The following LCORL variants were observed in gnomAD, a reference collection of about 807,000 sequenced individuals.
The protein encoded by LCORL is ligand-dependent nuclear receptor corepressor-like protein.
LCORL carries 41 observed loss-of-function variants against 141.8 expected under a neutral mutation model. That is an observed-to-expected ratio of 0.29 (90% CI 0.23 to 0.38). The LOEUF (loss-of-function observed/expected upper bound fraction) is 0.38. Among genes scored for constraint, LCORL ranks in the 10% least tolerant of loss-of-function variants. The pLI is 1.00. For synonymous variants in LCORL, 618 were observed against 694.1 expected (o/e 0.89, Z 1.72); for missense variants, 1,759 against 2,035.0 (o/e 0.86, Z 2.61).
chr4:17,892,213 T>C (rs1343115707), intron 5 of LCORL, among the ~76,000 whole-genome samples: 4 of 148,310 alleles, frequency 2.7e-5, no homozygotes, highest in East Asian at 1.9e-4. Context: ...TTTTTTCTTT[T>C]TTTTTTTTTT....
Position 17,912,035 on chromosome 4 carries a change from G to A in LCORL, c.431-2690C>T, listed in dbSNP as rs1239231412. ...AACTAGAAGTTAGAGACCAAAATCTGGGGGCACCTGGAGAAGAAGGGACCC... is the reference window on the plus strand; with the variant it reads ...AACTAGAAGTTAGAGACCAAAATCTAGGGGCACCTGGAGAAGAAGGGACCC... On this transcript the variant is annotated intron_variant, in intron 4 of 7. Transcript: ENST00000635767. 37 of 662,832 alleles carry A rather than the reference G, an allele frequency of 5.6e-5. 1 individual carries two copies. Among genetic ancestry groups the A allele is most frequent in the Middle Eastern group, 6.1e-4 (2 of 3,256 alleles). The allele number at this position is 662,832 out of a possible 1,614,324, so 41.1% of individuals were successfully genotyped here.
intron 1 of LCORL, among the ~76,000 whole-genome samples, chr4:17,994,852 A>C (rs1720654037): frequency 6.6e-6 from 1 of 152,028 alleles, no homozygotes; most frequent in Admixed American, 6.6e-5. Flanking sequence ...TATAAGCTCC[A>C]AAGAAGCAAG....
At chr4:18,017,599 G>A (rs1483567622) in intron 1 of LCORL, among the ~76,000 whole-genome samples, 2 of 152,076 alleles carry the variant, frequency 1.3e-5, no homozygotes, top group East Asian at 3.8e-4. Context: ...TTCAAATTGA[G>A]GGACATTCTA....
chr4:17,962,255 CAAAA>C (rs369162765), intron 3 of LCORL, among the ~76,000 whole-genome samples: 1 of 114,886 alleles, frequency 8.7e-6, no homozygotes. Context: ...AAACTACAGT[CAAAA>C]AAAAAAAAAA....
chr4:18,015,829 G>C (rs897531620), intron 1 of LCORL, among the ~76,000 whole-genome samples: 1 of 149,898 alleles, frequency 6.7e-6, no homozygotes, highest in Non-Finnish European at 1.5e-5. Flanking sequence ...AGTAGATACC[G>C]ACAAAAAGCA....
intron 2 of LCORL, among the ~76,000 whole-genome samples, chr4:17,966,949 T>G (rs934773554): frequency 6.6e-6 from 1 of 152,130 alleles, no homozygotes; most frequent in Non-Finnish European, 1.5e-5. Context: ...TTGAAAAAAT[T>G]TGTCCACAAA....
At chr4:17,848,456 CCTT>C (rs1322381997) in intron 7 of LCORL, among the ~76,000 whole-genome samples, 1 of 152,238 alleles carries the variant, frequency 6.6e-6, no homozygotes, top group Non-Finnish European at 1.5e-5. Context: ...CTCAAGCAAT[CCTT>C]CTGCCTCAGC....
exon 7 of LCORL, chr4:17,876,865 C>T: frequency 8.1e-7 from 1 of 1,230,714 alleles, no homozygotes; most frequent in Non-Finnish European, 1.0e-6. Context: ...AAGTTAGTTT[C>T]TGAACTATGA....
At chr4:17,997,948 AAC>A (rs1014099723) in intron 1 of LCORL, among the ~76,000 whole-genome samples, 26 of 152,162 alleles carry the variant, frequency 1.7e-4, no homozygotes, top group African/African-American at 6.3e-4. Flanking sequence ...TAAAAATGGA[AAC>A]ACATTCTGAT....
intron 1 of LCORL, among the ~76,000 whole-genome samples, chr4:18,008,163 C>T (rs1302898307): frequency 1.3e-5 from 2 of 152,102 alleles, no homozygotes; most frequent in Non-Finnish European, 2.9e-5. Context: ...ACTTTATATC[C>T]AGACTAAAAC....
chr4:17,975,500 AATTCTC>A lies in LCORL; in HGVS notation c.155-2621_155-2616del, dbSNP rs146350143. Among the ~76,000 whole-genome samples the A allele has an allele frequency of 7.5e-3, 1,141 of 151,774 alleles. 11 individuals are homozygous for A. Among genetic ancestry groups the A allele is most frequent in the African/African-American group, 0.026 (1,082 of 41,394 alleles). ...AACCTCCACCTCCTGGGTACATGCG[AATTCTC>A]CTGCCTCAGCCTCCTGAGGAGCTAG... On this transcript the variant is annotated intron_variant, in intron 1 of 7. Transcript: ENST00000635767.
At chr4:17,867,044 G>C (rs925431628) in intron 7 of LCORL, 9 of 948,304 alleles carry the variant, frequency 9.5e-6, no homozygotes, top group Non-Finnish European at 1.1e-5. Flanking sequence ...AGAGAATAAA[G>C]ATTTACAAAA....
chr4:17,994,902 G>T (rs886436544), intron 1 of LCORL, among the ~76,000 whole-genome samples: 1 of 152,004 alleles, frequency 6.6e-6, no homozygotes, highest in Admixed American at 6.6e-5. Context: ...CCAATGCCTG[G>T]TCCATGCTAG....
At chr4:17,876,881 T>C in exon 7 of LCORL, 1 of 1,230,724 alleles carries the variant, frequency 8.1e-7, no homozygotes, top group Non-Finnish European at 1.0e-6. Flanking sequence ...TATGAAGAGG[T>C]AGTTGCAGTG....
At chr4:18,001,941 ATATATC>A (rs974881021) in intron 1 of LCORL, among the ~76,000 whole-genome samples, 3 of 152,320 alleles carry the variant, frequency 2.0e-5, no homozygotes, top group East Asian at 1.9e-4. Flanking sequence ...ACACACATCT[ATATATC>A]TATGTTTATC....
rs1435469661 is a variant in LCORL, at chr4:17,917,296, G to A, written c.431-7951C>T. The stretch of plus-strand genomic sequence containing the variant: ...CTCACTCTGCCTCCTGGGTTCAAGT[G>A]ATTCTCCTGCCTCAGCCTCCCCAAT... On this transcript the variant is annotated intron_variant, in intron 4 of 7. Transcript: ENST00000635767. 3.3e-5 allele frequency among the ~76,000 whole-genome samples: 5 copies of A among 152,130 alleles called. No individual in the cohort carries two copies. In the South Asian group the frequency reaches 1.0e-3, roughly 31 times the overall value.
chr4:17,961,907 C>G, exon 4 of LCORL: 2 of 1,607,144 alleles, frequency 1.2e-6, no homozygotes, highest in Non-Finnish European at 1.7e-6. Context: ...TATTACCTTT[C>G]TTTCGAAAGA....
At chr4:17,875,105 C>T (rs1726776627) in exon 7 of LCORL, 4 of 1,233,428 alleles carry the variant, frequency 3.2e-6, no homozygotes, top group South Asian at 4.1e-5. Flanking sequence ...GTTGGTCATA[C>T]TTTTCTTCAG....
At chr4:17,918,626 C>G (rs1184730830) in intron 4 of LCORL, among the ~76,000 whole-genome samples, 1 of 152,054 alleles carries the variant, frequency 6.6e-6, no homozygotes, top group Admixed American at 6.5e-5. Context: ...AACCAATCAA[C>G]TTGAACATAG....
Sources: gnomAD v4.1 joint callset for allele counts (sites outside exome capture counted in the v4.1 genomes callset) on GRCh38, gnomAD v4.1.1 for gene constraint, MANE v1.5 for transcripts, NCBI Gene and HGNC (gene_info 2026-07-23, HGNC 2026-07-21) for gene names.